The following CAMK1D variants were observed in gnomAD, a reference collection of about 807,000 sequenced individuals.
CAMK1D encodes the protein calcium/calmodulin-dependent protein kinase type 1D.
CAMK1D carries 9 observed loss-of-function variants against 47.7 expected under a neutral mutation model. The ratio of observed to expected loss-of-function variants is 0.19; its 90% CI spans 0.11 to 0.33. CAMK1D has a LOEUF of 0.33. Ranked by LOEUF, CAMK1D falls within the 10% of genes least tolerant of loss-of-function variation. The pLI, the probability that CAMK1D is intolerant of heterozygous loss-of-function variation, is 1.00. For missense variants in CAMK1D, 291 were observed against 488.7 expected (o/e 0.60, Z 3.81); for synonymous variants, 184 against 184.9 (o/e 0.99, Z 0.04).
chr10:12,563,486 C>G (rs1031723320), intron 2 of CAMK1D, among the ~76,000 whole-genome samples: 1 of 152,214 alleles, frequency 6.6e-6, no homozygotes, highest in African/African-American at 2.4e-5. Flanking sequence ...GATTCAGATG[C>G]TAATCTCTTC....
intron 1 of CAMK1D, among the ~76,000 whole-genome samples, chr10:12,394,428 C>T (rs889752768): frequency 1.3e-5 from 2 of 152,172 alleles, no homozygotes; most frequent in African/African-American, 2.4e-5. Context: ...AAATTCCAAC[C>T]CTCTCTCATC....
chr10:12,383,424 CT>C (rs1340144250), intron 1 of CAMK1D, among the ~76,000 whole-genome samples: 2 of 152,162 alleles, frequency 1.3e-5, no homozygotes, highest in Non-Finnish European at 2.9e-5. Context: ...AATTGAGTGA[CT>C]TGCAACTCGG....
chr10:12,800,674 A>G (rs970243513), intron 6 of CAMK1D, among the ~76,000 whole-genome samples: 1 of 152,216 alleles, frequency 6.6e-6, no homozygotes, highest in African/African-American at 2.4e-5. Context: ...GCCTAACTGC[A>G]TAAAAAATAC....
At chr10:12,532,278 ATTTTC>A (rs1205316387) in intron 1 of CAMK1D, among the ~76,000 whole-genome samples, 1 of 149,222 alleles carries the variant, frequency 6.7e-6, no homozygotes, top group South Asian at 2.1e-4. Context: ...TTATCTTTTT[ATTTTC>A]TTTTTTTTTT....
At chr10:12,589,460 A>G (rs1837932311) in intron 2 of CAMK1D, among the ~76,000 whole-genome samples, 2 of 152,166 alleles carry the variant, frequency 1.3e-5, no homozygotes, top group South Asian at 4.1e-4. Flanking sequence ...AGCTTCACTG[A>G]CCGTGCTTGC....
At chr10:12,406,722 CAAAAAAAAAA>C (rs3061400) in intron 1 of CAMK1D, among the ~76,000 whole-genome samples, 2 of 69,232 alleles carry the variant, frequency 2.9e-5, no homozygotes, top group Non-Finnish European at 5.2e-5. Context: ...GACCCTGTCT[CAAAAAAAAAA>C]AAAAAAAAAA....
chr10:12,410,686 A>G (rs569742055), intron 1 of CAMK1D, among the ~76,000 whole-genome samples: 1 of 152,338 alleles, frequency 6.6e-6, no homozygotes, highest in East Asian at 1.9e-4. Flanking sequence ...GTATTTGACA[A>G]CAGATATTAG....
At chr10:12,432,803 C>G (rs920568206) in intron 1 of CAMK1D, among the ~76,000 whole-genome samples, 3 of 152,254 alleles carry the variant, frequency 2.0e-5, no homozygotes, top group Non-Finnish European at 4.4e-5. Context: ...CACTGGTGTT[C>G]TGCCCTCATT....
chr10:12,730,536 A>T (rs1406890951), intron 3 of CAMK1D, among the ~76,000 whole-genome samples: 1 of 152,120 alleles, frequency 6.6e-6, no homozygotes, highest in African/African-American at 2.4e-5. Flanking sequence ...TGGTGTATTG[A>T]TTTGAACCTT....
intron 1 of CAMK1D, among the ~76,000 whole-genome samples, chr10:12,441,709 G>C (rs1462087920): frequency 6.6e-6 from 1 of 152,046 alleles, no homozygotes; most frequent in African/African-American, 2.4e-5. Context: ...TACTCGGGAG[G>C]CCAAGGAACA....
At chr10:12,719,037 A>G (rs1834265217) in intron 3 of CAMK1D, among the ~76,000 whole-genome samples, 1 of 152,218 alleles carries the variant, frequency 6.6e-6, no homozygotes, top group Admixed American at 6.5e-5. Flanking sequence ...GATTCATCTC[A>G]TCAAAAAGAA....
intron 6 of CAMK1D, among the ~76,000 whole-genome samples, chr10:12,793,595 T>C (rs1838074298): frequency 6.6e-6 from 1 of 152,266 alleles, no homozygotes; most frequent in African/African-American, 2.4e-5. Context: ...ATTCGTTTCC[T>C]GGTGAGGGCT....
intron 1 of CAMK1D, among the ~76,000 whole-genome samples, chr10:12,489,494 C>G (rs79325104): frequency 0.066 from 10,003 of 152,240 alleles, 399 homozygotes; most frequent in Non-Finnish European, 0.091. Flanking sequence ...CCATAAGGAT[C>G]ATTTTAATCA....
intron 1 of CAMK1D, among the ~76,000 whole-genome samples, chr10:12,541,554 T>C (rs1836174170): frequency 6.6e-6 from 1 of 151,940 alleles, no homozygotes; most frequent in Admixed American, 6.6e-5. Flanking sequence ...AGAGACAGGG[T>C]TTCACCATGT....
intron 4 of CAMK1D, among the ~76,000 whole-genome samples, chr10:12,767,897 A>G (rs140604223): frequency 1.3e-5 from 2 of 152,240 alleles, no homozygotes; most frequent in African/African-American, 4.8e-5. Flanking sequence ...TTTGAGACGG[A>G]GTTTCACTCT....
At chr10:12,535,413 A>G (rs879822351) in intron 1 of CAMK1D, among the ~76,000 whole-genome samples, 6 of 152,126 alleles carry the variant, frequency 3.9e-5, no homozygotes, top group South Asian at 2.1e-4. Flanking sequence ...CCCTTCTTCC[A>G]TTGTCATTAG....
intron 2 of CAMK1D, among the ~76,000 whole-genome samples, chr10:12,581,337 T>C (rs189675734): frequency 6.6e-6 from 1 of 152,376 alleles, no homozygotes; most frequent in East Asian, 1.9e-4. Context: ...TGAATTGTGC[T>C]GCTATAAACA....
chr10:12,563,092 G>A (rs775974993), intron 2 of CAMK1D, among the ~76,000 whole-genome samples: 76 of 152,348 alleles, frequency 5.0e-4, no homozygotes, highest in Non-Finnish European at 9.3e-4. Context: ...TCCACCATCT[G>A]CAAACTGGAG....
At chr10:12,480,454 CAAAAAAAA>C (rs72032629) in intron 1 of CAMK1D, among the ~76,000 whole-genome samples, 20,695 of 150,054 alleles carry the variant, frequency 0.14, 1,535 homozygotes, top group Non-Finnish European at 0.18. Flanking sequence ...AAACAAAAAA[CAAAAAAAA>C]ACCACTCAAG....
Sources: gnomAD v4.1 joint callset for allele counts (sites outside exome capture counted in the v4.1 genomes callset) on GRCh38, gnomAD v4.1.1 for gene constraint, MANE v1.5 for transcripts, NCBI Gene and HGNC (gene_info 2026-07-23, HGNC 2026-07-21) for gene names.